The following PPARGC1A variants were observed in gnomAD, a reference collection of about 807,000 sequenced individuals.
PPARGC1A encodes the protein PPARG coactivator 1 alpha.
Under a neutral mutation model 88.7 loss-of-function variants are expected in PPARGC1A, and 25 were observed. That is an observed-to-expected ratio of 0.28 (90% CI 0.21 to 0.39). The LOEUF (loss-of-function observed/expected upper bound fraction) is 0.39, where lower values mean the gene tolerates loss of function less well. Among genes scored for constraint, PPARGC1A ranks in the 10% least tolerant of loss-of-function variants. PPARGC1A has a pLI of 1.00. For missense variants in PPARGC1A, 880 were observed against 968.7 expected (o/e 0.91, Z 1.22); for synonymous variants, 363 against 355.6 (o/e 1.02, Z -0.24).
chr4:23,904,144 G>A, upstream of PPARGC1A: 1 of 686,228 alleles, frequency 1.5e-6, no homozygotes, highest in Non-Finnish European at 1.8e-6. Context: ...TGACGTGGGA[G>A]GGCATCTCAG....
the PPARGC1A span, among the ~76,000 whole-genome samples, chr4:24,088,889 C>T: frequency 6.6e-6 from 1 of 152,172 alleles, no homozygotes; most frequent in African/African-American, 2.4e-5. Flanking sequence ...CAGGCATGAA[C>T]TGAGACCCTG....
chr4:23,858,188 C>A (rs975112938), intron 2 of PPARGC1A, among the ~76,000 whole-genome samples: 7 of 152,116 alleles, frequency 4.6e-5, no homozygotes, highest in African/African-American at 1.2e-4. Context: ...AAAATGCATA[C>A]CCCCTCTATT....
At chr4:24,470,271 G>GACACACACACACACACACAC in the PPARGC1A span, among the ~76,000 whole-genome samples, 16 of 71,964 alleles carry the variant, frequency 2.2e-4, no homozygotes, top group Non-Finnish European at 3.8e-4. The surrounding 1 kb of genome is among the most constrained non-coding windows in gnomAD (Gnocchi z 5.8). Context: ...CTCATCGACA[G>GACACACACACACACACACAC]ACACAGACAC....
At chr4:24,339,642 A>G in the PPARGC1A span, among the ~76,000 whole-genome samples, 1 of 152,218 alleles carries the variant, frequency 6.6e-6, no homozygotes, top group African/African-American at 2.4e-5. Flanking sequence ...GTGTGCTTTC[A>G]TCACAGCCAA....
At chr4:24,170,808 G>A in the PPARGC1A span, among the ~76,000 whole-genome samples, 1 of 152,194 alleles carries the variant, frequency 6.6e-6, no homozygotes, top group Non-Finnish European at 1.5e-5. Context: ...CCTGCCAAGA[G>A]TTCCTTCAGC....
chr4:23,940,828 C>T, the PPARGC1A span, among the ~76,000 whole-genome samples: 3 of 152,010 alleles, frequency 2.0e-5, no homozygotes, highest in African/African-American at 7.2e-5. Context: ...TGGTTGCTTG[C>T]TACTTAAAAA....
chr4:24,052,260 T>C, the PPARGC1A span, among the ~76,000 whole-genome samples: 1 of 152,100 alleles, frequency 6.6e-6, no homozygotes, highest in African/African-American at 2.4e-5. Context: ...AATGAATAAA[T>C]GAATGAGTGA....
At chr4:23,981,342 A>C in the PPARGC1A span, among the ~76,000 whole-genome samples, 12 of 152,158 alleles carry the variant, frequency 7.9e-5, no homozygotes, top group Admixed American at 7.9e-4. Flanking sequence ...TGCAAAAGAA[A>C]AAGTTCTTTA....
the PPARGC1A span, among the ~76,000 whole-genome samples, chr4:24,058,194 G>C: frequency 2.6e-4 from 40 of 152,276 alleles, 1 homozygote; most frequent in African/African-American, 9.1e-4. Flanking sequence ...GCTGACTCTT[G>C]ACTGCTTTAT....
the PPARGC1A span, among the ~76,000 whole-genome samples, chr4:24,042,850 A>G: frequency 1.3e-5 from 2 of 152,370 alleles, no homozygotes; most frequent in Admixed American, 1.3e-4. Flanking sequence ...TGAAGAATGC[A>G]TAGATACATA....
chr4:24,053,191 A>G, the PPARGC1A span, among the ~76,000 whole-genome samples: 1 of 151,910 alleles, frequency 6.6e-6, no homozygotes, highest in South Asian at 2.1e-4. Context: ...TTTTAAGTCC[A>G]GCAATTTTTC....
At chr4:24,026,569 CA>C in the PPARGC1A span, among the ~76,000 whole-genome samples, 7 of 147,500 alleles carry the variant, frequency 4.7e-5, no homozygotes, top group South Asian at 2.1e-4. Context: ...AGCTCAGTTT[CA>C]AAAAAAAAAC....
At chr4:23,870,410 C>A (rs1350652423) in intron 2 of PPARGC1A, among the ~76,000 whole-genome samples, 3 of 152,160 alleles carry the variant, frequency 2.0e-5, no homozygotes, top group Non-Finnish European at 4.4e-5. Flanking sequence ...AACTAAAAGG[C>A]CCCAGACTGT....
chr4:23,890,317 G>C (rs1717644911), upstream of PPARGC1A: 1 of 204,488 alleles, frequency 4.9e-6, no homozygotes, highest in Non-Finnish European at 9.6e-6. Flanking sequence ...AGCCAGCTTT[G>C]AATGCCACAG....
chr4:24,107,267 G>A, the PPARGC1A span, among the ~76,000 whole-genome samples: 1 of 152,202 alleles, frequency 6.6e-6, no homozygotes, highest in African/African-American at 2.4e-5. Flanking sequence ...TTCAAATTGA[G>A]TCAATCATTT....
the PPARGC1A span, among the ~76,000 whole-genome samples, chr4:24,413,469 C>T: frequency 3.3e-5 from 5 of 152,192 alleles, no homozygotes; most frequent in Admixed American, 2.6e-4. Flanking sequence ...ATCCCAGAGA[C>T]AAAATCGCCA....
chr4:24,174,524 A>T, the PPARGC1A span, among the ~76,000 whole-genome samples: 1 of 152,228 alleles, frequency 6.6e-6, no homozygotes, highest in Non-Finnish European at 1.5e-5. Flanking sequence ...CACTGCGGAC[A>T]TATATGCTAG....
At chr4:24,052,746 C>T in the PPARGC1A span, among the ~76,000 whole-genome samples, 1 of 151,802 alleles carries the variant, frequency 6.6e-6, no homozygotes, top group East Asian at 1.9e-4. Flanking sequence ...CTTCTTTTCT[C>T]CCTGTCTTCT....
At chr4:24,182,365 T>C in the PPARGC1A span, among the ~76,000 whole-genome samples, 1 of 152,226 alleles carries the variant, frequency 6.6e-6, no homozygotes, top group South Asian at 2.1e-4. Flanking sequence ...TCATGGTGTA[T>C]GTGTGCCACA....
Sources: gnomAD v4.1 joint callset for allele counts (sites outside exome capture counted in the v4.1 genomes callset) on GRCh38, gnomAD v4.1.1 for gene constraint, Gnocchi (gnomAD v3.1) non-coding constraint, MANE v1.5 for transcripts, NCBI Gene and HGNC (gene_info 2026-07-23, HGNC 2026-07-21) for gene names.